Variants in ARHGAP18 observed in about 807,000 individuals in gnomAD.
ARHGAP18 encodes the protein rho GTPase-activating protein 18.
A neutral mutation model predicts 86.2 loss-of-function variants in ARHGAP18; 67 were observed. The ratio of observed to expected loss-of-function variants is 0.78; its 90% confidence interval spans 0.64 to 0.95. The LOEUF (loss-of-function observed/expected upper bound fraction) is 0.95. Ranked by LOEUF, ARHGAP18 falls within the 40% of genes least tolerant of loss-of-function variation. The pLI, the probability that ARHGAP18 is intolerant of heterozygous loss-of-function variation, is 0.00. For missense variants in ARHGAP18, 691 were observed against 780.4 expected (o/e 0.89, Z 1.37); for synonymous variants, 283 against 280.4 (o/e 1.01, Z -0.09).
chr6:129,608,713 CAATT>C (rs1481283558), intron 8 of ARHGAP18, among the ~76,000 whole-genome samples: 1 of 152,130 alleles, frequency 6.6e-6, no homozygotes, highest in African/African-American at 2.4e-5. Flanking sequence ...ACTAATAAAT[CAATT>C]GAGTTTTGTA....
At chr6:129,682,304 C>T (rs559170604) in intron 1 of ARHGAP18, among the ~76,000 whole-genome samples, 1 of 152,162 alleles carries the variant, frequency 6.6e-6, no homozygotes, top group Non-Finnish European at 1.5e-5. Flanking sequence ...ACAACCCACG[C>T]CTTTCTCTTT....
At chr6:129,616,905 G>A (rs1346973998) in intron 6 of ARHGAP18, among the ~76,000 whole-genome samples, 2 of 152,138 alleles carry the variant, frequency 1.3e-5, no homozygotes, top group South Asian at 2.1e-4. Context: ...ACGGTGAGCC[G>A]TCACTGCACC....
At chr6:129,614,848 A>T (rs1461221873) in intron 7 of ARHGAP18, among the ~76,000 whole-genome samples, 1 of 151,730 alleles carries the variant, frequency 6.6e-6, no homozygotes, top group Non-Finnish European at 1.5e-5. Context: ...AAACAGTTGA[A>T]GGCCTAAAAG....
intron 4 of ARHGAP18, among the ~76,000 whole-genome samples, chr6:129,630,303 G>C (rs1200507464): frequency 6.6e-6 from 1 of 152,096 alleles, no homozygotes; most frequent in Non-Finnish European, 1.5e-5. Context: ...GAAAACACCA[G>C]GTTTAAGCTT....
intron 10 of ARHGAP18, among the ~76,000 whole-genome samples, chr6:129,605,593 A>G (rs1351105660): frequency 6.6e-6 from 1 of 152,182 alleles, no homozygotes; most frequent in Non-Finnish European, 1.5e-5. Context: ...GAAAAAAAAC[A>G]AAAAACCACC....
intron 5 of ARHGAP18, 150 bp from the exon 6 acceptor site, chr6:129,619,002 TC>T (rs1789155199): frequency 2.7e-6 from 2 of 751,068 alleles, no homozygotes; most frequent in South Asian, 4.2e-5. Context: ...TGAAGAGTGA[TC>T]CTGTCATGAT....
rs1265730491 is a variant in ARHGAP18 at position 129,578,211 on chromosome 6, TA to T, written c.*301del. The T allele has an allele frequency of 8.2e-4, 123 of 150,698 alleles. No individual in the cohort carries two copies. The highest frequency in any genetic ancestry group is 1.2e-3 in the Non-Finnish European group (85 of 69,158). The allele number at this position is 150,698 out of a possible 1,614,324, so 9.3% of individuals were successfully genotyped here. A position where few individuals can be genotyped will look rare whatever the true frequency, so the allele number is the denominator to read the frequency against. On this transcript the variant is annotated 3_prime_UTR_variant, in exon 15 of 15. Coordinates refer to ENST00000368149, the MANE Select transcript of ARHGAP18 (RefSeq NM_033515.3). ...GGGAAGAGAAGACATTTCCACATAT[TA>T]AAAAAAAAAACTATGTCACATCTGG...
chr6:129,677,031 C>T (rs1774248014), intron 1 of ARHGAP18, among the ~76,000 whole-genome samples: 1 of 147,026 alleles, frequency 6.8e-6, no homozygotes, highest in South Asian at 2.1e-4. Context: ...AATGGCAATG[C>T]CAGATCTAAA....
At chr6:129,616,847 T>C (rs1336764739) in intron 6 of ARHGAP18, among the ~76,000 whole-genome samples, 1 of 152,062 alleles carries the variant, frequency 6.6e-6, no homozygotes, top group African/African-American at 2.4e-5. Context: ...TCCCAGCTAC[T>C]TGGGGGGCTG....
intron 1 of ARHGAP18, among the ~76,000 whole-genome samples, chr6:129,658,308 C>T (rs898808890): frequency 1.9e-4 from 29 of 152,118 alleles, no homozygotes; most frequent in African/African-American, 6.0e-4. Flanking sequence ...TACACCTCAA[C>T]CACAGAATCT....
At chr6:129,624,874 G>T (rs1269757999) in intron 5 of ARHGAP18, among the ~76,000 whole-genome samples, 1 of 148,600 alleles carries the variant, frequency 6.7e-6, no homozygotes, top group Non-Finnish European at 1.5e-5. Context: ...GTATCCAGGA[G>T]GCGGAGGTTG....
chr6:129,593,917 G>C (rs1459463082), intron 12 of ARHGAP18, among the ~76,000 whole-genome samples: 3 of 152,192 alleles, frequency 2.0e-5, no homozygotes, highest in African/African-American at 7.2e-5. Context: ...ATTAACTAGT[G>C]TAGTCTAGCA....
At chr6:129,709,859 G>C (rs916315165) in intron 1 of ARHGAP18, among the ~76,000 whole-genome samples, 165 bp downstream of exon 1, 1 of 152,260 alleles carries the variant, frequency 6.6e-6, no homozygotes, top group African/African-American at 2.4e-5. Flanking sequence ...GACTAGGTGA[G>C]ATGAAAAGTA....
intron 1 of ARHGAP18, among the ~76,000 whole-genome samples, chr6:129,676,272 G>A (rs748514575): frequency 3.9e-5 from 6 of 152,178 alleles, no homozygotes; most frequent in Non-Finnish European, 8.8e-5. Flanking sequence ...AAGTGGTAAG[G>A]ACTGTTATTT....
At chr6:129,686,522 T>C (rs955358080) in intron 1 of ARHGAP18, among the ~76,000 whole-genome samples, 1 of 152,188 alleles carries the variant, frequency 6.6e-6, no homozygotes, top group Non-Finnish European at 1.5e-5. Context: ...GACCAGACGC[T>C]TACCCAGAGC....
At chr6:129,595,487 A>G (rs1788599936) in intron 12 of ARHGAP18, among the ~76,000 whole-genome samples, 1 of 152,190 alleles carries the variant, frequency 6.6e-6, no homozygotes, top group African/African-American at 2.4e-5. Context: ...AGTGAAGAGC[A>G]TGGCTTTCAG....
intron 1 of ARHGAP18, among the ~76,000 whole-genome samples, chr6:129,685,342 A>G (rs1439964657): frequency 1.3e-5 from 2 of 152,064 alleles, no homozygotes; most frequent in Non-Finnish European, 2.9e-5. Flanking sequence ...ACTCATCTCT[A>G]CTAAAAATGC....
intron 1 of ARHGAP18, among the ~76,000 whole-genome samples, chr6:129,643,490 C>CATACTGAACTGTG (rs1250963165): frequency 6.6e-6 from 1 of 152,178 alleles, no homozygotes. Context: ...GAGGCTTCCC[C>CATACTGAACTGTG]AGCCATACTG....
intron 1 of ARHGAP18, among the ~76,000 whole-genome samples, chr6:129,676,121 TG>T (rs1774227275): frequency 6.6e-6 from 1 of 152,184 alleles, no homozygotes; most frequent in Admixed American, 6.5e-5. Context: ...GGCTACTGAA[TG>T]GTAAGAAAGG....
Sources: allele counts gnomAD v4.1 joint callset (sites outside exome capture counted in the v4.1 genomes callset), GRCh38; gene constraint gnomAD v4.1.1; transcripts MANE v1.5; gene names NCBI Gene and HGNC (gene_info 2026-07-23, HGNC 2026-07-21).